Variants in SLC7A6 observed in about 807,000 individuals in gnomAD.
SLC7A6 encodes the protein solute carrier family 7 member 6, also known as Y+L amino acid transporter 2.
Under a neutral mutation model 46.6 loss-of-function variants are expected in SLC7A6, and 29 were observed. The observed-to-expected ratio is 0.62, with a 90% CI of 0.46 to 0.85. The LOEUF is 0.85. Ranked by LOEUF, SLC7A6 falls within the 40% of genes least tolerant of loss-of-function variation. SLC7A6 has a pLI of 0.00. For synonymous variants in SLC7A6, 276 were observed against 257.3 expected (o/e 1.07, Z -0.70); for missense variants, 527 against 647.6 (o/e 0.81, Z 2.02).
At chr16:68,277,099 T>C (rs768347021) in intron 3 of SLC7A6, among the ~76,000 whole-genome samples, 167 of 152,064 alleles carry the variant, frequency 1.1e-3, no homozygotes, top group Non-Finnish European at 1.9e-3. Context: ...GAGTACTTTT[T>C]TTTTTGAGAT....
intron 9 of SLC7A6, 44 bp from the exon 10 acceptor site, chr16:68,296,583 T>C (rs1346090231): frequency 1.2e-6 from 2 of 1,613,560 alleles, no homozygotes; most frequent in South Asian, 1.1e-5. Flanking sequence ...CACGAGCTGT[T>C]TCCTCTTCCC....
At chr16:68,286,747 G>A (rs1351857483) in intron 3 of SLC7A6, among the ~76,000 whole-genome samples, 2 of 152,156 alleles carry the variant, frequency 1.3e-5, no homozygotes, top group Non-Finnish European at 2.9e-5. Flanking sequence ...CGTGAGCCTA[G>A]GGAGTACTCG....
chr16:68,295,018 G>A, intron 8 of SLC7A6: 1 of 413,488 alleles, frequency 2.4e-6, no homozygotes, highest in Non-Finnish European at 4.3e-6. Context: ...TGAGAAAGGT[G>A]GGGATTCACT....
At chr16:68,275,348 C>T in intron 3 of SLC7A6, 99 bp downstream of exon 3, 1 of 1,450,706 alleles carries the variant, frequency 6.9e-7, no homozygotes, top group Non-Finnish European at 9.3e-7. Context: ...ATAATCCCAG[C>T]ACTTTGGGAG....
chr16:68,279,177 A>AAG (rs2042783282), intron 3 of SLC7A6, among the ~76,000 whole-genome samples: 1 of 151,150 alleles, frequency 6.6e-6, no homozygotes, highest in East Asian at 1.9e-4. Context: ...CTCTAAAAAA[A>AAG]AAAAAAATTA....
At chr16:68,286,803 G>C (rs1041953776) in intron 3 of SLC7A6, among the ~76,000 whole-genome samples, 7 of 152,076 alleles carry the variant, frequency 4.6e-5, no homozygotes, top group African/African-American at 1.7e-4. Context: ...TGGGAGGTAT[G>C]GGTAGGAATG....
chr16:68,284,679 T>C (rs2042891393), intron 3 of SLC7A6: 11 of 984,454 alleles, frequency 1.1e-5, no homozygotes, highest in African/African-American at 1.7e-5. Flanking sequence ...GTGTATCAGC[T>C]TCTCTTCCCC....
chr16:68,295,920 T>C, intron 8 of SLC7A6, among the ~76,000 whole-genome samples: 1 of 152,158 alleles, frequency 6.6e-6, no homozygotes, highest in East Asian at 1.9e-4. Flanking sequence ...TTAGTCCAGA[T>C]GGGTAGGGAT....
intron 8 of SLC7A6, among the ~76,000 whole-genome samples, chr16:68,295,308 C>A (rs911885904): frequency 6.6e-6 from 1 of 152,156 alleles, no homozygotes; most frequent in Non-Finnish European, 1.5e-5. Context: ...ATTTTCCTAG[C>A]AATTCTCATA....
chr16:68,277,316 T>TCTTATTTA (rs2042729980), intron 3 of SLC7A6, among the ~76,000 whole-genome samples: 1 of 135,886 alleles, frequency 7.4e-6, no homozygotes, highest in Non-Finnish European at 1.6e-5. Context: ...AGAAGAGTAC[T>TCTTATTTA]TTTATTTATT....
rs747446511 is a variant in SLC7A6, at chr16:68,296,711, C to T, written c.1354C>T (p.Leu452Phe). 2.5e-6 allele frequency: 4 copies of T among 1,614,190 alleles called. No individual in the cohort carries two copies. In the Admixed American group the frequency reaches 5.0e-5, roughly 20 times the overall value. The change falls in exon 10 of 11, where the codon CTC becomes TTC. Residue 452 changes from leucine to phenylalanine, a missense_variant. By Grantham distance (22) the Leu-to-Phe change is conservative (BLOSUM62 0). Coordinates refer to ENST00000219343, the MANE Select transcript of SLC7A6 (RefSeq NM_003983.6). ...VPLFTDTINS[L>F]IGIGIALSGV... ...CCTCTTCACTGACACCATTAATTCCCTCATTGGCATCGGGATTGCCCTTTC... is the reference window on the plus strand; with the variant it reads ...CCTCTTCACTGACACCATTAATTCCTTCATTGGCATCGGGATTGCCCTTTC...
intron 2 of SLC7A6, 52 bp downstream of exon 2, chr16:68,266,773 T>G (rs1036146302): frequency 2.6e-5 from 4 of 152,106 alleles, no homozygotes; most frequent in African/African-American, 9.7e-5. Context: ...TACAAAGAGT[T>G]TTTACTTGTA....
At chr16:68,295,012 A>G (rs1255141846) in intron 8 of SLC7A6, 1 of 437,970 alleles carries the variant, frequency 2.3e-6, no homozygotes, top group Admixed American at 4.2e-5. Flanking sequence ...TAGTATTGAG[A>G]AAGGTGGGGA....
rs1235585179 is a variant in SLC7A6 at position 68,300,217 on chromosome 16, C to T, written c.*2889C>T. On this transcript the variant is annotated 3_prime_UTR_variant, in exon 11 of 11. Transcript: ENST00000219343. ...CTCAGTTTCTCAGTTGCGCTAATCACATTTCAAGTGCTCAGCAGCCACCCG... is the reference window on the plus strand; with the variant it reads ...CTCAGTTTCTCAGTTGCGCTAATCATATTTCAAGTGCTCAGCAGCCACCCG... The T allele has an allele frequency of 6.6e-6, 1 of 152,238 alleles. No individual in the cohort carries two copies. Among genetic ancestry groups the T allele is most frequent in the Non-Finnish European group, 1.5e-5 (1 of 68,046 alleles). 9.4% of individuals were successfully genotyped at this position (152,238 alleles called of 1,614,324 possible).
At chr16:68,294,059 G>A (rs572603389) in intron 7 of SLC7A6, among the ~76,000 whole-genome samples, 9 of 152,166 alleles carry the variant, frequency 5.9e-5, no homozygotes, top group East Asian at 5.8e-4. Flanking sequence ...TACCGCGCCC[G>A]GCTTATTTTG....
At position 68,299,098 on chromosome 16, in the gene SLC7A6, G is replaced by A. The variant is rs1017067931; in HGVS notation, c.*1770G>A. 9.8e-5 allele frequency: 15 copies of A among 152,618 alleles called. No individual in the cohort carries two copies. Among genetic ancestry groups the A allele is most frequent in the African/African-American group, 3.4e-4 (14 of 41,440 alleles). 9.5% of individuals were successfully genotyped at this position (152,618 alleles called of 1,614,324 possible). ...CTGTCATGGGTTTGGGATTTGTAAC[G>A]GCAAATTCCTGCCCGACGACAGGGT... On this transcript the variant is annotated 3_prime_UTR_variant, in exon 11 of 11. Transcript: ENST00000219343.
At chr16:68,268,979 C>T (rs1043428722) in intron 2 of SLC7A6, among the ~76,000 whole-genome samples, 1 of 151,628 alleles carries the variant, frequency 6.6e-6, no homozygotes, top group Non-Finnish European at 1.5e-5. Flanking sequence ...TGCACTCCAG[C>T]GTGGGCAACG....
chr16:68,274,603 C>T, intron 2 of SLC7A6, 88 bp from the exon 3 acceptor site: 2 of 1,115,528 alleles, frequency 1.8e-6, no homozygotes, highest in Admixed American at 2.3e-5. Flanking sequence ...GCATGCTGTC[C>T]CTAAATAGGA....
At chr16:68,268,089 G>T (rs1230437214) in intron 2 of SLC7A6, among the ~76,000 whole-genome samples, 2 of 152,172 alleles carry the variant, frequency 1.3e-5, no homozygotes, top group Non-Finnish European at 2.9e-5. Flanking sequence ...TACAAGTAAA[G>T]GTAAGTAAGT....
Sources: allele counts gnomAD v4.1 joint callset (sites outside exome capture counted in the v4.1 genomes callset), GRCh38; gene constraint gnomAD v4.1.1; transcripts MANE v1.5; gene names NCBI Gene and HGNC (gene_info 2026-07-23, HGNC 2026-07-21).